The following COL6A3 variants were observed in gnomAD, a reference collection of about 807,000 sequenced individuals.
COL6A3 encodes collagen type VI alpha 3 chain.
A neutral mutation model predicts 274.1 loss-of-function variants in COL6A3; 137 were observed. The ratio of observed to expected loss-of-function variants is 0.50; its 90% CI spans 0.44 to 0.58. The LOEUF (loss-of-function observed/expected upper bound fraction) is 0.58, where lower values mean the gene tolerates loss of function less well. COL6A3 is among the 20% of genes least tolerant of loss of function. The pLI, the probability that COL6A3 is intolerant of heterozygous loss-of-function variation, is 0.00. For synonymous variants in COL6A3, 1,650 were observed against 1,650.6 expected, an observed-to-expected ratio of 1.00 and a Z score of 0.01; for missense variants, 3,950 against 4,124.9, an observed-to-expected ratio of 0.96 and a Z score of 1.16.
At chr2:237,370,240 ATT>A (rs753401570) in intron 9 of COL6A3, among the ~76,000 whole-genome samples, 35 of 126,372 alleles carry the variant, frequency 2.8e-4, no homozygotes, top group South Asian at 2.6e-4. Context: ...AACTGGTTTA[ATT>A]TTTTTTTTTT....
chr2:237,403,808 G>T (rs1373240410), intron 1 of COL6A3, among the ~76,000 whole-genome samples: 1 of 151,606 alleles, frequency 6.6e-6, no homozygotes, highest in Non-Finnish European at 1.5e-5. Context: ...CTCCACTTAG[G>T]TTGACCCTAC....
intron 21 of COL6A3, among the ~76,000 whole-genome samples, chr2:237,358,275 C>A (rs1223725079): frequency 6.6e-6 from 1 of 152,178 alleles, no homozygotes; most frequent in Non-Finnish European, 1.5e-5. Flanking sequence ...ATTTGAAGTG[C>A]CCTGATACCA....
In COL6A3 at chr2:237,325,614, C is replaced by T. The variant is rs1341452000; in HGVS notation, c.9439G>A (p.Gly3147Arg). The T allele has an allele frequency of 6.2e-7, 1 of 1,614,190 alleles. No homozygotes were observed. The highest frequency in any genetic ancestry group is 1.7e-5 in the Admixed American group (1 of 60,032). ...CARFWYGGCG[G>R]NENKFGSQKE... ...TGTGATCCAAATTTGTTTTCGTTTC[C>T]ACCACAACCTCCATACCAGAATCTT... Residue 3147 changes from glycine (G) to arginine (R), a missense_variant, in exon 43 of 44, where the codon GGA (glycine) becomes AGA (arginine). Transcript: ENST00000295550.
At chr2:237,359,006 T>C (rs1559225635) in intron 20 of COL6A3, 29 bp downstream of exon 20, 10 of 1,604,282 alleles carry the variant, frequency 6.2e-6, no homozygotes, top group Non-Finnish European at 6.8e-6. Flanking sequence ...ATTCTTTCCA[T>C]AATAGCACCA....
rs1292827663 is a variant in COL6A3, at chr2:237,374,446, C to A, written c.3645G>T (p.Arg1215Ser). The change falls in exon 8 of 44, where the codon AGG becomes AGT. Residue 1215 changes from arginine to serine, a missense_variant. Around this residue, in one of 5 missense-constraint regions of COL6A3, gnomAD observed 1,934 missense variants for 1,984.3 expected, o/e 0.97. Coordinates refer to ENST00000295550, the MANE Select transcript of COL6A3 (RefSeq NM_004369.4). The surrounding 1 kb of genome is among the most constrained non-coding windows in gnomAD (Gnocchi z 4.8). The stretch of plus-strand genomic sequence containing the variant: ...GTAGAGGCTGCAACACCGGCTGCAG[C>A]CTGCTCAGCTCCTCGCGGGTGAGCT... Reference protein sequence around the residue: ...VTQLTREELSRLQPVLQPLPS... With the variant: ...VTQLTREELSSLQPVLQPLPS... 15 of 1,613,412 alleles carry A rather than the reference C, an allele frequency of 9.3e-6. No individual in the cohort carries two copies. The highest frequency in any genetic ancestry group is 1.3e-5 in the Non-Finnish European group (15 of 1,180,034).
At chr2:237,362,853 C>G (rs975588771) in intron 14 of COL6A3, among the ~76,000 whole-genome samples, 1 of 152,174 alleles carries the variant, frequency 6.6e-6, no homozygotes, top group Non-Finnish European at 1.5e-5. Context: ...CCAGAAACAG[C>G]CTTTCTTTTC....
At chr2:237,387,538 A>G (rs2078174090) in intron 4 of COL6A3, 44 bp downstream of exon 4, 2 of 1,613,282 alleles carry the variant, frequency 1.2e-6, no homozygotes, top group Non-Finnish European at 8.5e-7. Flanking sequence ...ACCAACACAC[A>G]CAACACCCCA....
At chr2:237,376,639 C>A (rs2077847824) in intron 7 of COL6A3, 133 bp downstream of exon 7, 5 of 864,756 alleles carry the variant, frequency 5.8e-6, no homozygotes, top group African/African-American at 3.3e-5. Flanking sequence ...CTGAAACCAG[C>A]AGGTGATTAA....
intron 42 of COL6A3, chr2:237,325,995 T>C (rs1699923565): frequency 3.0e-6 from 1 of 332,606 alleles, no homozygotes. Context: ...CTGGCAATGG[T>C]TATTGAATAA....
At chr2:237,381,819 G>A (rs776991686) in intron 4 of COL6A3, among the ~76,000 whole-genome samples, 13 of 152,248 alleles carry the variant, frequency 8.5e-5, no homozygotes, top group East Asian at 3.9e-4. Flanking sequence ...CTCTTCTGCC[G>A]TAAATACACA....
chr2:237,376,972 T>A lies in COL6A3; in HGVS notation c.2870A>T (p.Asp957Val). 1 of 1,614,152 alleles carries A rather than the reference T, an allele frequency of 6.2e-7. No individual in the cohort carries two copies. Among genetic ancestry groups the A allele is most frequent in the Non-Finnish European group, 8.5e-7 (1 of 1,180,018 alleles). The change falls in exon 7 of 44, where the codon GAT (aspartate) becomes GTT (valine). Residue 957 changes from aspartate to valine, a missense_variant. Coordinates refer to ENST00000295550, the MANE Select transcript of COL6A3 (RefSeq NM_004369.4). ...CTGCTTCAGGTTACTTGCTGGCCCA[T>A]CCACACGGTCAGATGACCTTCCTGC... ...LVAGRSSDRVDGPASNLKQSG... is the reference protein window; with the variant it reads ...LVAGRSSDRVVGPASNLKQSG...
intron 1 of COL6A3, among the ~76,000 whole-genome samples, chr2:237,397,540 T>G (rs865960766): frequency 3.3e-5 from 5 of 151,682 alleles, no homozygotes; most frequent in South Asian, 2.1e-4. Context: ...GGGAGGAAGG[T>G]AAAGAATAGG....
At chr2:237,372,455 C>G in intron 8 of COL6A3, 118 bp from the exon 9 acceptor site, 1 of 1,578,982 alleles carries the variant, frequency 6.3e-7, no homozygotes, top group Non-Finnish European at 8.6e-7. Flanking sequence ...CCAATCACCA[C>G]TGTTAAAAGT....
Position 237,374,224 on chromosome 2 carries a change from C to G in COL6A3, c.3679+188G>C, listed in dbSNP as rs2077770165. 6.6e-6 allele frequency among the ~76,000 whole-genome samples: 1 copy of G among 152,232 alleles called. No homozygotes were observed. The highest frequency in any genetic ancestry group is 2.4e-5 in the African/African-American group (1 of 41,458). ...AAACATGAATCTTAGCATCTCCCCC[C>G]TTGAACCTCTGCCATTTCTGCCCAT... On this transcript the variant is annotated intron_variant, in intron 8 of 43. Transcript: ENST00000295550. This position sits in a 1 kb window ranked among gnomAD's most constrained non-coding sequence, Gnocchi z 4.8.
At position 237,363,093 on chromosome 2, in the gene COL6A3, G is replaced by A. The variant is rs73998891; in HGVS notation, c.6063+160C>T. 7.8e-3 allele frequency among the ~76,000 whole-genome samples: 1,191 copies of A among 152,014 alleles called. 23 individuals carry two copies. Among genetic ancestry groups the A allele is most frequent in the African/African-American group, 0.027 (1,134 of 41,410 alleles). ...CATTTCCAGATTCACATGTGTTATG[G>A]CAACAAGGCAGTTCCCAAGTGAATT... On this transcript the variant is annotated intron_variant, in intron 14 of 43. Transcript: ENST00000295550.
intron 31 of COL6A3, among the ~76,000 whole-genome samples, chr2:237,347,541 G>A (rs190149919): frequency 3.3e-5 from 5 of 152,276 alleles, no homozygotes; most frequent in African/African-American, 9.6e-5. Context: ...GACTGCAGGT[G>A]GGTGCTGTGC....
At chr2:237,375,541 C>T (rs1483285069) in intron 7 of COL6A3, among the ~76,000 whole-genome samples, 1 of 152,094 alleles carries the variant, frequency 6.6e-6, no homozygotes, top group South Asian at 2.1e-4. Flanking sequence ...TTTTGTTTTG[C>T]AGTGGAGGGG....
At chr2:237,341,233 C>T (rs1316401907) in intron 37 of COL6A3, 83 bp from the exon 38 acceptor site, 15 of 1,347,746 alleles carry the variant, frequency 1.1e-5, no homozygotes, top group Middle Eastern at 2.1e-4. Context: ...GAGACTTGGG[C>T]GATTAAAATG....
intron 31 of COL6A3, 114 bp downstream of exon 31, chr2:237,347,693 T>C: frequency 1.9e-6 from 2 of 1,078,968 alleles, no homozygotes; most frequent in Admixed American, 2.0e-5. Flanking sequence ...TTCCACCCTG[T>C]GCTATCCCTG....
Sources: allele counts gnomAD v4.1 joint callset (sites outside exome capture counted in the v4.1 genomes callset), GRCh38; gene constraint gnomAD v4.1.1; regional missense constraint gnomAD v4.1.1; non-coding constraint Gnocchi (gnomAD v3.1); transcripts MANE v1.5; gene names NCBI Gene and HGNC (gene_info 2026-07-23, HGNC 2026-07-21).